GPN1: variants seen among roughly 807,000 people sequenced by gnomAD.
GPN1 encodes the protein ATP(GTP)-binding protein.
Under a neutral mutation model 55.9 loss-of-function variants are expected in GPN1, and 44 were observed. That is an observed-to-expected ratio of 0.79 (90% CI 0.62 to 1.01). GPN1 has a LOEUF of 1.01. GPN1 is among the 50% of genes least tolerant of loss of function. The pLI, the probability that GPN1 is intolerant of heterozygous loss-of-function variation, is 0.00. For synonymous variants in GPN1, 179 were observed against 162.5 expected, an observed-to-expected ratio of 1.10 and a Z score of -0.77; for missense variants, 466 against 462.8, an observed-to-expected ratio of 1.01 and a Z score of -0.06.
chr2:27,649,557 C>T (rs964170039), intron 13 of GPN1, among the ~76,000 whole-genome samples: 7 of 152,174 alleles, frequency 4.6e-5, no homozygotes, highest in African/African-American at 1.7e-4. Flanking sequence ...ACACCTAGTG[C>T]CTGGCAACCA....
intron 10 of GPN1, among the ~76,000 whole-genome samples, chr2:27,640,847 A>G (rs1308467868): frequency 6.6e-6 from 1 of 152,190 alleles, no homozygotes; most frequent in Non-Finnish European, 1.5e-5. Context: ...AAACCTTAGG[A>G]TAGACTCTTT....
At chr2:27,638,150 C>A in intron 7 of GPN1, 60 bp from the exon 8 acceptor site, 1 of 876,888 alleles carries the variant, frequency 1.1e-6, no homozygotes, top group Non-Finnish European at 2.0e-6. Flanking sequence ...GACATGCTGA[C>A]ACTGGATGAG....
At chr2:27,645,057 T>TA (rs1407924165) in intron 12 of GPN1, among the ~76,000 whole-genome samples, 1 of 152,178 alleles carries the variant, frequency 6.6e-6, no homozygotes, top group Non-Finnish European at 1.5e-5. Flanking sequence ...AGCCTCGAAC[T>TA]ACTGGGCTCA....
At chr2:27,637,346 GT>G (rs1332899878) in intron 7 of GPN1, among the ~76,000 whole-genome samples, 1 of 151,422 alleles carries the variant, frequency 6.6e-6, no homozygotes, top group Non-Finnish European at 1.5e-5. Flanking sequence ...TAGGGGTTGG[GT>G]TTTGCTGTCT....
At chr2:27,630,749 C>T (rs576618059) in intron 2 of GPN1, among the ~76,000 whole-genome samples, 1 of 152,284 alleles carries the variant, frequency 6.6e-6, no homozygotes, top group South Asian at 2.1e-4. Flanking sequence ...ATTTTTTCCC[C>T]CTTGATTTTT....
intron 12 of GPN1, among the ~76,000 whole-genome samples, chr2:27,642,954 T>TACACACACACACACACACACAC (rs1270219794): frequency 1.5e-4 from 7 of 46,842 alleles, no homozygotes; most frequent in Admixed American, 6.9e-4. Context: ...TATATATATA[T>TACACACACACACACACACACAC]ATATACACAC....
At chr2:27,637,586 A>G (rs1673778369) in intron 7 of GPN1, among the ~76,000 whole-genome samples, 1 of 152,244 alleles carries the variant, frequency 6.6e-6, no homozygotes, top group Non-Finnish European at 1.5e-5. Context: ...TTATTGAGGT[A>G]TAATTGACAA....
chr2:27,638,308 T>C, intron 8 of GPN1, 53 bp downstream of exon 8: 1 of 999,752 alleles, frequency 1.0e-6, no homozygotes, highest in Non-Finnish European at 1.6e-6. Flanking sequence ...AACCTTGTGG[T>C]TAGAAGGTTT....
chr2:27,628,305 T>C (rs1444941873), upstream of GPN1: 1 of 1,274,480 alleles, frequency 7.8e-7, no homozygotes, highest in Admixed American at 2.8e-5. Context: ...GTAGAAATAA[T>C]TTTCTAGGCT....
At chr2:27,645,573 T>G (rs1674186983) in intron 12 of GPN1, among the ~76,000 whole-genome samples, 2 of 152,162 alleles carry the variant, frequency 1.3e-5, no homozygotes, top group Admixed American at 6.5e-5. Flanking sequence ...TGTCTTTGTA[T>G]TTGTCAGGTC....
At chr2:27,629,983 A>G (rs1453034866) in intron 2 of GPN1, 31 bp downstream of exon 2, 2 of 1,199,220 alleles carry the variant, frequency 1.7e-6, no homozygotes, top group Non-Finnish European at 2.5e-6. Context: ...ACTTGTGTGC[A>G]GTGCTTTAAA....
At chr2:27,638,607 C>T (rs1012753111) in intron 8 of GPN1, among the ~76,000 whole-genome samples, 1 of 152,100 alleles carries the variant, frequency 6.6e-6, no homozygotes, top group Non-Finnish European at 1.5e-5. Context: ...TGCAAGAGAC[C>T]TTTTGACTTC....
chr2:27,628,433 T>G (rs1673375607), upstream of GPN1: 1 of 1,551,484 alleles, frequency 6.4e-7, no homozygotes, highest in Non-Finnish European at 8.7e-7. Flanking sequence ...TCACGGCAAC[T>G]GTGTAGTTCA....
At chr2:27,650,056 G>A in intron 13 of GPN1, 59 bp from the exon 14 acceptor site, 1 of 908,042 alleles carries the variant, frequency 1.1e-6, no homozygotes, top group Admixed American at 1.7e-5. Flanking sequence ...TGGGTGACGG[G>A]CTCTAATCAG....
At chr2:27,644,740 T>TTTTTTTC (rs1389842515) in intron 12 of GPN1, among the ~76,000 whole-genome samples, 434 of 148,536 alleles carry the variant, frequency 2.9e-3, no homozygotes, top group Non-Finnish European at 4.3e-3. Flanking sequence ...TTTTTTTTTT[T>TTTTTTTC]TTTACAGATG....
intron 10 of GPN1, among the ~76,000 whole-genome samples, 182 bp downstream of exon 10, chr2:27,640,307 T>A (rs943458946): frequency 1.3e-5 from 2 of 152,232 alleles, no homozygotes; most frequent in Non-Finnish European, 2.9e-5. Flanking sequence ...TTGTTTTTTT[T>A]AAATAGAAGT....
intron 12 of GPN1, among the ~76,000 whole-genome samples, chr2:27,646,707 C>A (rs1033497360): frequency 6.6e-6 from 1 of 151,876 alleles, no homozygotes; most frequent in Admixed American, 6.6e-5. Context: ...ATAAATTGTA[C>A]ATTTATTTTT....
rs752961270 is a variant in GPN1, at chr2:27,635,286, CTCT to C, written c.524+61_524+63del. ...TTCCATCAAGGTATAAGGCCTTTTT[CTCT>C]TCTTCTTCCTCTTTTTTTTTTTTTT... On this transcript the variant is annotated intron_variant, in intron 7 of 13. Transcript: ENST00000610189. The C allele has an allele frequency of 8.6e-5, 60 of 698,308 alleles. No homozygotes were observed. In the East Asian group the frequency reaches 1.8e-3, roughly 21 times the overall value. 43.3% of individuals were successfully genotyped at this position (698,308 alleles called of 1,614,324 possible).
chr2:27,629,883 C>T lies in GPN1; in HGVS notation c.136C>T (p.Gln46Ter). ...GAGGCTCACAGGACACCTGCATGCC[C>T]AAGGCACTCCACCGTATGTGATCAA... is the stretch of plus-strand genomic sequence containing the variant. ...VQRLTGHLHA[Q>*]GTPPYVINLD... is the part of the protein sequence containing the mutation. Residue 46 changes from glutamine to a stop codon, truncating the protein, a stop_gained, in exon 2 of 14, where the codon CAA becomes TAA. Transcript: ENST00000610189. LOFTEE classifies it high-confidence loss of function. 6.2e-7 allele frequency: 1 copy of T among 1,608,314 alleles called. No individual in the cohort carries two copies. Among genetic ancestry groups the T allele is most frequent in the Non-Finnish European group, 8.5e-7 (1 of 1,174,636 alleles).
Sources: allele counts gnomAD v4.1 joint callset (sites outside exome capture counted in the v4.1 genomes callset), GRCh38; gene constraint gnomAD v4.1.1; transcripts MANE v1.5; gene names NCBI Gene and HGNC (gene_info 2026-07-23, HGNC 2026-07-21).